TTC12: variants seen among roughly 807,000 people sequenced by gnomAD.
TTC12 encodes the protein tetratricopeptide repeat protein 12.
In TTC12, 70 loss-of-function variants were observed where a neutral mutation model predicts 90.1. The ratio of observed to expected loss-of-function variants is 0.78; its 90% CI spans 0.64 to 0.95. The LOEUF (loss-of-function observed/expected upper bound fraction) is 0.95, where lower values mean the gene tolerates loss of function less well. Ranked by LOEUF, TTC12 falls within the 40% of genes least tolerant of loss-of-function variation. The pLI is 0.00. For synonymous variants in TTC12, 296 were observed against 311.5 expected (o/e 0.95, Z 0.53); for missense variants, 819 against 846.1 (o/e 0.97, Z 0.40).
At position 113,363,817 on chromosome 11, in the gene TTC12, C is replaced by T; in HGVS notation, c.1717-11C>T. On this transcript the variant is annotated splice_polypyrimidine_tract_variant and intron_variant, in intron 19 of 21. Transcript: ENST00000529221. The stretch of plus-strand genomic sequence containing the variant: ...CTGATTTTATTTTTCTAATTTCATT[C>T]TGAAATCTAGACAGGAGGTGAGACT... 6.3e-7 allele frequency: 1 copy of T among 1,582,194 alleles called. No individual in the cohort carries two copies. The highest frequency in any genetic ancestry group is 8.7e-7 in the Non-Finnish European group (1 of 1,153,792).
At chr11:113,338,883 GC>G (rs782271400) in intron 9 of TTC12, 49 bp downstream of exon 9, 9 of 1,547,872 alleles carry the variant, frequency 5.8e-6, no homozygotes, top group Non-Finnish European at 8.0e-6. Context: ...ACCTCCCTCT[GC>G]CCCCTGCCTT....
chr11:113,330,460 A>G (rs553726591), intron 7 of TTC12, among the ~76,000 whole-genome samples: 2 of 152,250 alleles, frequency 1.3e-5, no homozygotes, highest in Non-Finnish European at 2.9e-5. Context: ...TTGAGCAGAT[A>G]AAATAATTCT....
chr11:113,352,573 A>G (rs1490498848), intron 16 of TTC12, among the ~76,000 whole-genome samples: 3 of 151,862 alleles, frequency 2.0e-5, no homozygotes, highest in Non-Finnish European at 4.4e-5. Flanking sequence ...TAAGCCTAGT[A>G]CCTATTATTT....
downstream of TTC12, among the ~76,000 whole-genome samples, chr11:113,368,013 G>A (rs571578431): frequency 1.3e-4 from 20 of 152,280 alleles, no homozygotes; most frequent in South Asian, 3.3e-3. Context: ...CTTTGAAAAC[G>A]GAAAGGCTGT....
chr11:113,318,290 G>T (rs910292616), intron 2 of TTC12, among the ~76,000 whole-genome samples: 6 of 152,108 alleles, frequency 3.9e-5, no homozygotes, highest in Non-Finnish European at 7.4e-5. Context: ...GTATTAGTCG[G>T]CTAGGGCTGC....
chr11:113,346,601 C>G (rs76504082), intron 13 of TTC12, among the ~76,000 whole-genome samples: 4,665 of 151,962 alleles, frequency 0.031, 249 homozygotes, highest in African/African-American at 0.11. Context: ...TCAAGAAAAC[C>G]TACTGCCTAT....
chr11:113,364,321 T>C (rs1950093461), intron 20 of TTC12: 1 of 220,838 alleles, frequency 4.5e-6, no homozygotes, highest in African/African-American at 2.3e-5. Context: ...GCTGTAGTTA[T>C]TCACAGCAGG....
rs34496236 is a variant in TTC12 at position 113,323,102 on chromosome 11, CA to C, written c.59-167del. Reference sequence around the variant, plus strand: ...ATACTCACCTGCAACTTTTTCTAGGCAAAAAAAAAAAAAAAAAAACCTGTTG... The same window carrying C: ...ATACTCACCTGCAACTTTTTCTAGGCAAAAAAAAAAAAAAAAAACCTGTTG... On this transcript the variant is annotated intron_variant, in intron 2 of 21. Coordinates refer to ENST00000529221, the MANE Select transcript of TTC12 (RefSeq NM_017868.4). Among the ~76,000 whole-genome samples, 1,470 of 79,444 alleles carry C rather than the reference CA, an allele frequency of 0.019. 10 individuals are homozygous for C. Among genetic ancestry groups the C allele is most frequent in the African/African-American group, 0.04 (787 of 19,632 alleles). 52.1% of individuals were successfully genotyped at this position (79,444 alleles called of 152,430 possible). A position where few individuals can be genotyped will look rare whatever the true frequency, so the allele number is the denominator to read the frequency against.
chr11:113,338,494 C>G (rs1480579875), intron 8 of TTC12, among the ~76,000 whole-genome samples: 1 of 152,186 alleles, frequency 6.6e-6, no homozygotes, highest in African/African-American at 2.4e-5. Context: ...CTATCCCAGA[C>G]AGACATGATC....
intron 2 of TTC12, among the ~76,000 whole-genome samples, chr11:113,318,927 G>A (rs1947120619): frequency 6.6e-6 from 1 of 152,158 alleles, no homozygotes; most frequent in Admixed American, 6.5e-5. Flanking sequence ...ACCGAGAGCA[G>A]TAAATCAATT....
chr11:113,331,657 C>T (rs1591543272), intron 7 of TTC12, among the ~76,000 whole-genome samples: 1 of 152,196 alleles, frequency 6.6e-6, no homozygotes. Flanking sequence ...CTTTTCTGAT[C>T]TGAAAAAGGC....
chr11:113,359,246 A>G (rs897178166), intron 16 of TTC12, 117 bp from the exon 17 acceptor site: 2 of 662,116 alleles, frequency 3.0e-6, no homozygotes, highest in Non-Finnish European at 5.5e-6. Context: ...ATTTAGGTTC[A>G]TGACATTGGC....
At chr11:113,359,913 CCTG>C (rs782555591) in intron 17 of TTC12, 24 bp from the exon 18 acceptor site, 1 of 1,558,936 alleles carries the variant, frequency 6.4e-7, no homozygotes, top group Admixed American at 1.9e-5. Context: ...ATTAAAATCT[CCTG>C]CTGGCCTCTC....
chr11:113,363,098 C>T (rs1950021999), intron 19 of TTC12, among the ~76,000 whole-genome samples: 1 of 152,150 alleles, frequency 6.6e-6, no homozygotes, highest in Non-Finnish European at 1.5e-5. Context: ...GTCCATACAC[C>T]CATGTTAGTG....
intron 13 of TTC12, 84 bp from the exon 14 acceptor site, chr11:113,349,989 T>G: frequency 8.9e-7 from 1 of 1,119,532 alleles, no homozygotes; most frequent in Non-Finnish European, 1.4e-6. Flanking sequence ...CTGACTCCTT[T>G]TTTGGTTTCC....
chr11:113,352,260 G>A, intron 16 of TTC12, 53 bp downstream of exon 16: 2 of 1,611,288 alleles, frequency 1.2e-6, no homozygotes, highest in Non-Finnish European at 1.7e-6. Flanking sequence ...GGGGGCATTA[G>A]CGTCTTCTTA....
In TTC12 at chr11:113,340,813, TAGAC is replaced by T. The variant is rs782420129; in HGVS notation, c.896+83_896+86del. 2.8e-5 allele frequency: 35 copies of T among 1,228,238 alleles called. 2 individuals carry two copies. The highest frequency in any genetic ancestry group is 1.9e-4 in the South Asian group (16 of 82,274). The allele number at this position is 1,228,238 out of a possible 1,614,324, so 76.1% of individuals were successfully genotyped here. A position where few individuals can be genotyped will look rare whatever the true frequency, so the allele number is the denominator to read the frequency against. ...CTTATGAAATCAGACACGAGGCACA[TAGAC>T]AGTCACGTTTCTGAACATTACCCCC... On this transcript the variant is annotated intron_variant, in intron 11 of 21. Coordinates refer to ENST00000529221, the MANE Select transcript of TTC12 (RefSeq NM_017868.4).
chr11:113,325,230 C>T (rs948745289), intron 5 of TTC12, among the ~76,000 whole-genome samples: 2 of 152,060 alleles, frequency 1.3e-5, no homozygotes, highest in Non-Finnish European at 2.9e-5. Flanking sequence ...CTTTATGAGA[C>T]ACCGAATGCA....
At chr11:113,345,865 A>G (rs528464767) in intron 13 of TTC12, among the ~76,000 whole-genome samples, 9 of 151,566 alleles carry the variant, frequency 5.9e-5, no homozygotes, top group Non-Finnish European at 1.3e-4. Context: ...TTGAGCTTCA[A>G]TGTGCATTTT....
Sources: gnomAD v4.1 joint callset for allele counts (sites outside exome capture counted in the v4.1 genomes callset) on GRCh38, gnomAD v4.1.1 for gene constraint, MANE v1.5 for transcripts, NCBI Gene and HGNC (gene_info 2026-07-23, HGNC 2026-07-21) for gene names.